DAB1: variants seen among roughly 807,000 people sequenced by gnomAD.
The protein encoded by DAB1 is DAB adaptor protein 1, also known as disabled homolog 1.
A neutral mutation model predicts 64.6 loss-of-function variants in DAB1; 15 were observed. That is an observed-to-expected ratio of 0.23 (90% confidence interval 0.16 to 0.36). DAB1 has a LOEUF of 0.36. DAB1 is among the 10% of genes least tolerant of loss of function. The probability of loss-of-function intolerance (pLI) is 1.00; values close to 1 mark genes in which losing one functional copy is unlikely to be tolerated. For missense variants in DAB1, 596 were observed against 706.7 expected (o/e 0.84, Z 1.78); for synonymous variants, 235 against 251.9 (o/e 0.93, Z 0.64).
chr1:58,296,259 A>AAGAAAG (rs1661990377), intron 4 of DAB1, among the ~76,000 whole-genome samples: 1 of 146,386 alleles, frequency 6.8e-6, no homozygotes, highest in Non-Finnish European at 1.5e-5. Flanking sequence ...GAAAGAAAGA[A>AAGAAAG]AGAAAAGTGA....
intron 2 of DAB1, among the ~76,000 whole-genome samples, chr1:57,196,846 G>A (rs72917177): frequency 0.025 from 3,821 of 152,316 alleles, 80 homozygotes; most frequent in African/African-American, 0.057. Context: ...TTTAATTGGC[G>A]TTTGAAAGCA....
chr1:57,638,656 C>A (rs1352490390), intron 7 of DAB1, among the ~76,000 whole-genome samples: 2 of 152,146 alleles, frequency 1.3e-5, no homozygotes, highest in Non-Finnish European at 2.9e-5. Context: ...CCTGAGGAGT[C>A]CCCCTAATGA....
chr1:57,708,168 T>A (rs1646989406), intron 6 of DAB1, among the ~76,000 whole-genome samples: 1 of 152,196 alleles, frequency 6.6e-6, no homozygotes. Flanking sequence ...ACCACTTCAG[T>A]CAACAGGTGG....
At chr1:58,055,084 C>A (rs1647970671) in intron 5 of DAB1, among the ~76,000 whole-genome samples, 1 of 152,180 alleles carries the variant, frequency 6.6e-6, no homozygotes, top group African/African-American at 2.4e-5. Context: ...TGGAGATAAG[C>A]AAAATGAGGA....
intron 1 of DAB1, among the ~76,000 whole-genome samples, chr1:57,351,592 C>T (rs1433589308): frequency 1.3e-5 from 2 of 152,024 alleles, no homozygotes; most frequent in Non-Finnish European, 2.9e-5. Flanking sequence ...AAGTTGGTTG[C>T]AGATGTAGGC....
At chr1:57,301,476 C>A (rs139854347) in intron 1 of DAB1, among the ~76,000 whole-genome samples, 25 of 152,266 alleles carry the variant, frequency 1.6e-4, no homozygotes, top group African/African-American at 5.3e-4. Flanking sequence ...TACTCATCCC[C>A]GTTTCCTCCA....
At chr1:57,187,228 G>A (rs758064297) in intron 2 of DAB1, among the ~76,000 whole-genome samples, 4 of 151,986 alleles carry the variant, frequency 2.6e-5, no homozygotes, top group Non-Finnish European at 4.4e-5. Context: ...TAGGAAGCTC[G>A]GATCCAAATC....
rs1645816361 is a variant in DAB1 at position 57,000,449 on chromosome 1, T to A, written c.*16-2321A>T. Among the ~76,000 whole-genome samples, 4 of 152,206 alleles carry A rather than the reference T, an allele frequency of 2.6e-5. No individual in the cohort carries two copies. The South Asian group carries it at 8.3e-4, about 32-fold the overall frequency. ...GCTGTTTCTAGTTTCCTCACAGTTC[T>A]GATCCCTTTGTCCTAAATACACTCC... On this transcript the variant is annotated intron_variant, in intron 14 of 14. Transcript: ENST00000371236.
Position 58,288,033 on chromosome 1 carries a change from A to AG in DAB1, n.309+55318_309+55319insC, listed in dbSNP as rs1367134570. On this transcript the variant is annotated intron_variant and non_coding_transcript_variant, in intron 4 of 20. Transcript: ENST00000485760. ...CAAGACTGCCTCAAAAAAAAAAAAA[A>AG]AAAAAAAAAAAAGAAAAAAAAGAGC... 1.2e-4 allele frequency among the ~76,000 whole-genome samples: 17 copies of AG among 145,776 alleles called. 2 individuals carry two copies. Among genetic ancestry groups the AG allele is most frequent in the East Asian group, 8.5e-4 (4 of 4,714 alleles).
At chr1:57,177,651 T>A (rs79979321) in intron 2 of DAB1, among the ~76,000 whole-genome samples, 3,069 of 152,260 alleles carry the variant, frequency 0.02, 105 homozygotes, top group African/African-American at 0.071. Flanking sequence ...CAGTCCAGTA[T>A]CTGGGCAGAA....
At chr1:58,422,760 C>T (rs1644784450) in intron 3 of DAB1, among the ~76,000 whole-genome samples, 1 of 151,966 alleles carries the variant, frequency 6.6e-6, no homozygotes, top group Non-Finnish European at 1.5e-5. Context: ...ACCACCATCT[C>T]AACACCCATG....
chr1:57,057,447 A>G (rs1649882757), intron 9 of DAB1, among the ~76,000 whole-genome samples: 1 of 152,152 alleles, frequency 6.6e-6, no homozygotes, highest in Non-Finnish European at 1.5e-5. Flanking sequence ...ATATTATCTG[A>G]GACAAGGCAA....
At chr1:58,301,221 T>C (rs1349225064) in intron 4 of DAB1, among the ~76,000 whole-genome samples, 1 of 77,940 alleles carries the variant, frequency 1.3e-5, no homozygotes, top group Admixed American at 1.7e-4. Context: ...AGAGCAGATA[T>C]GTGGGGGTGG....
At chr1:58,020,156 T>A (rs1372435430) in intron 5 of DAB1, among the ~76,000 whole-genome samples, 2 of 152,222 alleles carry the variant, frequency 1.3e-5, no homozygotes, top group African/African-American at 4.8e-5. Context: ...TGAATTAGAA[T>A]GAGGAACATG....
chr1:57,739,444 C>CCCCTCCCCTCCCCTT (rs1647861940), intron 6 of DAB1, among the ~76,000 whole-genome samples: 2 of 49,972 alleles, frequency 4.0e-5, no homozygotes, highest in Non-Finnish European at 3.7e-5. Context: ...CCCCTCCCCT[C>CCCCTCCCCTCCCCTT]CCCTCCCCTC....
intron 6 of DAB1, among the ~76,000 whole-genome samples, chr1:57,731,590 A>G (rs918556741): frequency 2.0e-5 from 3 of 152,184 alleles, no homozygotes; most frequent in Non-Finnish European, 2.9e-5. Context: ...AGATCACCTG[A>G]GGTCAGGAGT....
At chr1:57,770,972 C>T (rs1269277730) in intron 6 of DAB1, among the ~76,000 whole-genome samples, 1 of 152,076 alleles carries the variant, frequency 6.6e-6, no homozygotes, top group African/African-American at 2.4e-5. Context: ...CTCATTTAAT[C>T]CCCCTAGCCT....
intron 1 of DAB1, chr1:58,533,859 T>TA (rs1201958334): frequency 7.8e-6 from 6 of 764,586 alleles, no homozygotes; most frequent in Non-Finnish European, 1.4e-5. Context: ...CTATCATTTT[T>TA]AAAAAACCTG....
intron 7 of DAB1, among the ~76,000 whole-genome samples, chr1:57,514,451 T>C (rs1644441529): frequency 6.6e-6 from 1 of 152,242 alleles, no homozygotes; most frequent in Admixed American, 6.5e-5. Flanking sequence ...TTGCTTTTGA[T>C]ATTGTTTTTG....
Sources: allele counts gnomAD v4.1 joint callset (sites outside exome capture counted in the v4.1 genomes callset), GRCh38; gene constraint gnomAD v4.1.1; transcripts MANE v1.5; gene names NCBI Gene and HGNC (gene_info 2026-07-23, HGNC 2026-07-21).